Variants in LRRTM4 observed in about 807,000 individuals in gnomAD.
LRRTM4 encodes the protein leucine-rich repeat transmembrane neuronal protein 4.
In LRRTM4, 25 loss-of-function variants were observed where a neutral mutation model predicts 47.6. That is an observed-to-expected ratio of 0.53 (90% CI 0.38 to 0.73). The LOEUF (loss-of-function observed/expected upper bound fraction) is 0.73, where lower values mean the gene tolerates loss of function less well. LRRTM4 is among the 30% of genes least tolerant of loss of function. LRRTM4 has a pLI of 0.00. For missense variants in LRRTM4, 638 were observed against 713.4 expected, an observed-to-expected ratio of 0.89 and a Z score of 1.20; for synonymous variants, 311 against 269.5, an observed-to-expected ratio of 1.15 and a Z score of -1.51.
intron 3 of LRRTM4, among the ~76,000 whole-genome samples, chr2:76,935,091 T>G (rs1674898095): frequency 2.0e-5 from 3 of 152,236 alleles, no homozygotes; most frequent in South Asian, 4.1e-4. Flanking sequence ...AATGCAATGG[T>G]CTCAATACAA....
At chr2:77,013,441 A>G (rs1558797639) in intron 3 of LRRTM4, among the ~76,000 whole-genome samples, 2 of 152,172 alleles carry the variant, frequency 1.3e-5, no homozygotes, top group Non-Finnish European at 1.5e-5. Flanking sequence ...TGTAATGAGC[A>G]TTGGATGGAA....
At chr2:76,770,782 C>A (rs1673663252) in intron 3 of LRRTM4, among the ~76,000 whole-genome samples, 1 of 152,208 alleles carries the variant, frequency 6.6e-6, no homozygotes, top group Non-Finnish European at 1.5e-5. Flanking sequence ...ATTGAAACAT[C>A]TGACATAACA....
chr2:77,247,235 T>C (rs952718017), intron 3 of LRRTM4, among the ~76,000 whole-genome samples: 34 of 152,180 alleles, frequency 2.2e-4, no homozygotes, highest in East Asian at 1.5e-3. Context: ...AATGATTTAA[T>C]AAGATATGAA....
At chr2:77,376,181 G>C (rs1433606102) in intron 3 of LRRTM4, among the ~76,000 whole-genome samples, 2 of 151,658 alleles carry the variant, frequency 1.3e-5, no homozygotes, top group African/African-American at 2.4e-5. Context: ...CTGGTTATGA[G>C]AAATTTTCCA....
At chr2:76,838,493 G>A (rs1671581318) in intron 3 of LRRTM4, among the ~76,000 whole-genome samples, 1 of 152,044 alleles carries the variant, frequency 6.6e-6, no homozygotes, top group Non-Finnish European at 1.5e-5. Context: ...ATTTCAACTT[G>A]CAGAAACATA....
intron 3 of LRRTM4, among the ~76,000 whole-genome samples, chr2:76,966,092 A>G (rs1676014266): frequency 6.6e-6 from 1 of 151,568 alleles, no homozygotes; most frequent in East Asian, 1.9e-4. Context: ...GGATAGACAA[A>G]GGATTTTAAA....
At chr2:76,845,469 T>C (rs1390745501) in intron 3 of LRRTM4, among the ~76,000 whole-genome samples, 1 of 151,854 alleles carries the variant, frequency 6.6e-6, no homozygotes, top group East Asian at 1.9e-4. Flanking sequence ...GAAAACAAGG[T>C]GCAGTAACGT....
At chr2:77,050,615 G>A (rs901243629) in intron 3 of LRRTM4, among the ~76,000 whole-genome samples, 2 of 152,254 alleles carry the variant, frequency 1.3e-5, no homozygotes, top group Middle Eastern at 3.4e-3. Context: ...GTTATTGCCA[G>A]TAACTCCTTG....
At chr2:76,988,486 T>A (rs1196253362) in intron 3 of LRRTM4, among the ~76,000 whole-genome samples, 2 of 151,848 alleles carry the variant, frequency 1.3e-5, no homozygotes, top group African/African-American at 4.8e-5. Flanking sequence ...CACAAGAGTT[T>A]TCTTTTTTCC....
At chr2:77,101,990 T>C (rs1670967064) in intron 3 of LRRTM4, among the ~76,000 whole-genome samples, 1 of 152,220 alleles carries the variant, frequency 6.6e-6, no homozygotes, top group Admixed American at 6.5e-5. Context: ...CTAAGATAAC[T>C]GCAGGAACTA....
intron 3 of LRRTM4, among the ~76,000 whole-genome samples, chr2:77,318,303 G>A (rs553726166): frequency 8.0e-4 from 122 of 152,130 alleles, no homozygotes; most frequent in African/African-American, 2.6e-3. Flanking sequence ...ACCGCGCCCG[G>A]CCCCAACACT....
chr2:76,836,042 G>A (rs541068309), intron 3 of LRRTM4, among the ~76,000 whole-genome samples: 189 of 151,766 alleles, frequency 1.2e-3, no homozygotes, highest in Non-Finnish European at 2.0e-3. Context: ...TCACAATGTT[G>A]GGAAGAAGTT....
At chr2:76,777,253 G>A (rs1415278172) in intron 3 of LRRTM4, among the ~76,000 whole-genome samples, 2 of 149,224 alleles carry the variant, frequency 1.3e-5, no homozygotes, top group Admixed American at 6.7e-5. Flanking sequence ...CTCTTTTTTG[G>A]TTCCATATGA....
chr2:76,848,718 TAAG>T (rs952673453), intron 3 of LRRTM4, among the ~76,000 whole-genome samples: 70 of 152,224 alleles, frequency 4.6e-4, no homozygotes, highest in African/African-American at 1.5e-3. Context: ...GTGTGAATGT[TAAG>T]AAGTTACAGA....
intron 3 of LRRTM4, among the ~76,000 whole-genome samples, chr2:77,314,534 T>A (rs1453844896): frequency 6.6e-6 from 1 of 152,226 alleles, no homozygotes; most frequent in Non-Finnish European, 1.5e-5. Flanking sequence ...GTATGTCTTA[T>A]GTTTGGCAGG....
chr2:77,420,449 G>A (rs1009709906), intron 3 of LRRTM4, among the ~76,000 whole-genome samples: 3 of 151,976 alleles, frequency 2.0e-5, no homozygotes, highest in Non-Finnish European at 4.4e-5. Context: ...AAATTTAAAC[G>A]CAGCTTTATT....
At chr2:77,099,456 T>C (rs7586460) in intron 3 of LRRTM4, among the ~76,000 whole-genome samples, 59,390 of 151,736 alleles carry the variant, frequency 0.39, 12,997 homozygotes, top group East Asian at 0.7. Flanking sequence ...TATTTGGGTG[T>C]GTGTGTGTTT....
At chr2:77,323,203 T>A (rs968522912) in intron 3 of LRRTM4, among the ~76,000 whole-genome samples, 2 of 152,116 alleles carry the variant, frequency 1.3e-5, no homozygotes, top group Non-Finnish European at 2.9e-5. Flanking sequence ...TGCTTTCTGA[T>A]TAAAGTTATT....
chr2:76,982,062 A>G (rs146749348), intron 3 of LRRTM4, among the ~76,000 whole-genome samples: 174 of 152,024 alleles, frequency 1.1e-3, no homozygotes, highest in Admixed American at 3.9e-3. Flanking sequence ...GTGAATTTCT[A>G]TTTTCTCATA....
Sources: allele counts gnomAD v4.1 joint callset (sites outside exome capture counted in the v4.1 genomes callset), GRCh38; gene constraint gnomAD v4.1.1; transcripts MANE v1.5; gene names NCBI Gene and HGNC (gene_info 2026-07-23, HGNC 2026-07-21).